The following NELL2 variants were observed in gnomAD, a reference collection of about 807,000 sequenced individuals.
The protein encoded by NELL2 is protein kinase C-binding protein NELL2.
A neutral mutation model predicts 109.6 loss-of-function variants in NELL2; 41 were observed. The ratio of observed to expected loss-of-function variants is 0.37; its 90% CI spans 0.29 to 0.49. NELL2 has a LOEUF of 0.49. Among genes scored for constraint, NELL2 ranks in the 20% least tolerant of loss-of-function variants. The probability of loss-of-function intolerance (pLI) is 0.98; values close to 1 mark genes in which losing one functional copy is unlikely to be tolerated. For synonymous variants in NELL2, 355 were observed against 344.7 expected (o/e 1.03, Z -0.33); for missense variants, 900 against 1,008.3 (o/e 0.89, Z 1.45).
intron 12 of NELL2, among the ~76,000 whole-genome samples, chr12:44,684,329 T>C (rs1373335131): frequency 6.6e-6 from 1 of 152,228 alleles, no homozygotes; most frequent in African/African-American, 2.4e-5. Flanking sequence ...TTAGTCTTGC[T>C]AGTGGTCTAT....
chr12:44,687,252 C>T (rs1042114149), intron 12 of NELL2, among the ~76,000 whole-genome samples: 12 of 152,204 alleles, frequency 7.9e-5, no homozygotes, highest in African/African-American at 2.9e-4. Context: ...CAATGCCGCG[C>T]CCTGCTTTGG....
intron 7 of NELL2, among the ~76,000 whole-genome samples, chr12:44,776,476 T>C (rs1432663689): frequency 6.6e-6 from 1 of 152,214 alleles, no homozygotes; most frequent in African/African-American, 2.4e-5. Context: ...TTCATTTATA[T>C]GCTTCTTCAA....
At chr12:44,811,896 G>C (rs1266198248) in intron 3 of NELL2, among the ~76,000 whole-genome samples, 1 of 151,918 alleles carries the variant, frequency 6.6e-6, no homozygotes, top group Non-Finnish European at 1.5e-5. Flanking sequence ...TCTTGCTCTT[G>C]CTCAAGATCT....
At chr12:44,890,010 C>T (rs1945515847) in intron 1 of NELL2, among the ~76,000 whole-genome samples, 1 of 152,096 alleles carries the variant, frequency 6.6e-6, no homozygotes, top group African/African-American at 2.4e-5. Context: ...CAGGGATAAG[C>T]TTATGTTAGT....
chr12:44,658,473 C>T (rs1947593654), intron 13 of NELL2, among the ~76,000 whole-genome samples: 1 of 152,152 alleles, frequency 6.6e-6, no homozygotes, highest in African/African-American at 2.4e-5. Flanking sequence ...ATTCCATGCT[C>T]ATGGATAGGA....
chr12:44,753,503 T>C (rs1940747890), intron 9 of NELL2, among the ~76,000 whole-genome samples: 1 of 152,102 alleles, frequency 6.6e-6, no homozygotes, highest in South Asian at 2.1e-4. Context: ...CAAAGCAAAA[T>C]ATGGAATGGG....
intron 15 of NELL2, among the ~76,000 whole-genome samples, chr12:44,586,368 T>C (rs1339782258): frequency 6.6e-6 from 1 of 150,954 alleles, no homozygotes; most frequent in African/African-American, 2.4e-5. Context: ...CATAAATACG[T>C]GATTTCTTAA....
chr12:44,768,535 T>A (rs1196730826), intron 9 of NELL2, among the ~76,000 whole-genome samples: 1 of 152,160 alleles, frequency 6.6e-6, no homozygotes, highest in Non-Finnish European at 1.5e-5. Context: ...TTCTATGATT[T>A]ATTCAATGTT....
At chr12:44,741,694 T>A (rs1939977029) in intron 9 of NELL2, among the ~76,000 whole-genome samples, 2 of 152,044 alleles carry the variant, frequency 1.3e-5, no homozygotes, top group South Asian at 4.2e-4. Context: ...GCCCACAGAG[T>A]CTCGCTCATT....
At chr12:44,650,543 C>T (rs990739212) in intron 13 of NELL2, among the ~76,000 whole-genome samples, 4 of 152,080 alleles carry the variant, frequency 2.6e-5, no homozygotes, top group African/African-American at 9.7e-5. Flanking sequence ...GATCTGCCTG[C>T]CTCGGCTTCC....
At position 44,840,649 on chromosome 12, in the gene NELL2, A is replaced by T. The variant is rs78992117; in HGVS notation, c.185-24513T>A. Among the ~76,000 whole-genome samples, 1,129 of 152,040 alleles carry T rather than the reference A, an allele frequency of 7.4e-3. 27 individuals are homozygous for T. Among genetic ancestry groups the T allele is most frequent in the East Asian group, 0.056 (285 of 5,130 alleles). On this transcript the variant is annotated intron_variant, in intron 2 of 19. Coordinates refer to ENST00000429094, the MANE Select transcript of NELL2 (RefSeq NM_001145108.2). The stretch of plus-strand genomic sequence containing the variant: ...AGACTCCGTCTCAAAAAAAAAAAAA[A>T]GCCATAATATATGCTGTATTGATTG...
intron 3 of NELL2, among the ~76,000 whole-genome samples, chr12:44,791,109 GTATATATATATGTA>G (rs1566404188): frequency 3.0e-4 from 3 of 10,038 alleles, no homozygotes; most frequent in Admixed American, 1.3e-3. Flanking sequence ...ATATATATAT[GTATATATATATGTA>G]TATATATATA....
rs1320342732 is a variant in NELL2, at chr12:44,650,889, T to G, written c.1444+14595A>C. Among the ~76,000 whole-genome samples the G allele has an allele frequency of 1.3e-5, 2 of 152,216 alleles. 1 individual carries two copies. Among genetic ancestry groups the G allele is most frequent in the Non-Finnish European group, 2.9e-5 (2 of 68,036 alleles). Reference sequence around the variant, plus strand: ...ATTAAATTGCCCTGAACCTTGATCTTGGACTAATAGCCTCCAGAAAAGTGA... The same window carrying G: ...ATTAAATTGCCCTGAACCTTGATCTGGGACTAATAGCCTCCAGAAAAGTGA... On this transcript the variant is annotated intron_variant, in intron 13 of 19. Coordinates refer to ENST00000429094, the MANE Select transcript of NELL2 (RefSeq NM_001145108.2).
chr12:44,831,305 AT>A (rs1297484633), intron 2 of NELL2, among the ~76,000 whole-genome samples: 10 of 152,116 alleles, frequency 6.6e-5, no homozygotes, highest in Non-Finnish European at 1.5e-5. Context: ...TCACGAACAG[AT>A]TACTCCCTAA....
At chr12:44,532,418 A>AT (rs1942111316) in intron 16 of NELL2, 163 bp downstream of exon 16, 5 of 180,930 alleles carry the variant, frequency 2.8e-5, no homozygotes, top group Non-Finnish European at 4.5e-5. Flanking sequence ...TAGATACCAT[A>AT]ATTAGCAAGA....
At chr12:44,794,469 G>A (rs757068747) in intron 3 of NELL2, among the ~76,000 whole-genome samples, 6 of 152,030 alleles carry the variant, frequency 3.9e-5, no homozygotes, top group African/African-American at 7.3e-5. Context: ...AGGAAGGGAG[G>A]AGCAGGTAGT....
rs189813482 is a variant in NELL2 at position 44,786,298 on chromosome 12, G to A, written c.336-6276C>T. 4.6e-3 allele frequency among the ~76,000 whole-genome samples: 707 copies of A among 152,230 alleles called. 7 individuals are homozygous for A. The highest frequency in any genetic ancestry group is 0.016 in the African/African-American group (670 of 41,550). ...AAAAAGTTCATATTACTGGTCATTAGAAAAATGAAAATGAAAACCACAATG... is the reference window on the plus strand; with the variant it reads ...AAAAAGTTCATATTACTGGTCATTAAAAAAATGAAAATGAAAACCACAATG... On this transcript the variant is annotated intron_variant, in intron 3 of 19. Transcript: ENST00000429094.
At chr12:44,742,055 C>T (rs1940005509) in intron 9 of NELL2, among the ~76,000 whole-genome samples, 2 of 152,162 alleles carry the variant, frequency 1.3e-5, no homozygotes, top group African/African-American at 2.4e-5. Flanking sequence ...CTGGGAGGCA[C>T]CCCCCAGTAG....
At chr12:44,606,765 A>T (rs1945418999) in intron 15 of NELL2, among the ~76,000 whole-genome samples, 1 of 152,152 alleles carries the variant, frequency 6.6e-6, no homozygotes, top group African/African-American at 2.4e-5. Flanking sequence ...TTTATTAAAA[A>T]TTCCTAATTG....
Sources: allele counts gnomAD v4.1 joint callset (sites outside exome capture counted in the v4.1 genomes callset), GRCh38; gene constraint gnomAD v4.1.1; transcripts MANE v1.5; gene names NCBI Gene and HGNC (gene_info 2026-07-23, HGNC 2026-07-21).